POLR2C: variants seen among roughly 807,000 people sequenced by gnomAD.
POLR2C encodes the protein RNA polymerase II subunit C, also known as DNA-directed RNA polymerase II subunit RPB3.
In POLR2C, 36 loss-of-function variants were observed where a neutral mutation model predicts 41.7. The observed-to-expected ratio is 0.86, with a 90% confidence interval of 0.66 to 1.14. The LOEUF is 1.14. Ranked by LOEUF, POLR2C falls within the 50% of genes most tolerant of loss-of-function variation. The pLI is 0.00. For synonymous variants in POLR2C, 133 were observed against 137.8 expected, an observed-to-expected ratio of 0.96 and a Z score of 0.25; for missense variants, 260 against 350.4, an observed-to-expected ratio of 0.74 and a Z score of 2.06.
Position 57,463,441 on chromosome 16 carries a change from T to C in POLR2C, c.136+363T>C, listed in dbSNP as rs113857623. On this transcript the variant is annotated intron_variant, in intron 2 of 8. Coordinates refer to ENST00000219252, the MANE Select transcript of POLR2C (RefSeq NM_032940.3). ...CATTGGTGCAGGTTTGTTGCCTGGG[T>C]ATAGTGCGTGATGCTGAGATTTGGG... The C allele has an allele frequency of 3.0e-3, 1,215 of 401,434 alleles. 13 individuals carry two copies. The highest frequency in any genetic ancestry group is 0.023 in the African/African-American group (1,134 of 48,912). The allele number at this position is 401,434 out of a possible 1,614,324, so 24.9% of individuals were successfully genotyped here.
intron 2 of POLR2C, 192 bp downstream of exon 2, chr16:57,463,270 A>G (rs1202792421): frequency 1.6e-6 from 1 of 637,720 alleles, no homozygotes; most frequent in Admixed American, 2.4e-5. Flanking sequence ...CCCACGGGCC[A>G]CTTAGGTCCA....
At chr16:57,470,694 C>G (rs575003053) in intron 8 of POLR2C, among the ~76,000 whole-genome samples, 1 of 152,356 alleles carries the variant, frequency 6.6e-6, no homozygotes, top group South Asian at 2.1e-4. Context: ...TCACTGCTCA[C>G]TTGGTTTTCC....
Position 57,469,974 on chromosome 16 carries a change from C to G in POLR2C, c.453C>G (p.Val151=). 6.2e-7 allele frequency: 1 copy of G among 1,613,686 alleles called. No homozygotes were observed. The highest frequency in any genetic ancestry group is 8.5e-7 in the Non-Finnish European group (1 of 1,179,904). Residue 151 remains valine (V), a synonymous_variant, in exon 7 of 9, where the codon GTC becomes GTG. Transcript: ENST00000219252. This position sits in a 1 kb window ranked among gnomAD's most constrained non-coding sequence, Gnocchi z 5.8. ...DYVEQDDILI[V]KLRKGQELRL... ...CTCTCCCTGCAGACATCCTCATCGT[C>G]AAGTTGAGAAAGGGCCAGGAGCTGA...
intron 4 of POLR2C, among the ~76,000 whole-genome samples, chr16:57,467,036 A>G (rs968296948): frequency 2.0e-5 from 3 of 152,170 alleles, no homozygotes; most frequent in Non-Finnish European, 4.4e-5. Flanking sequence ...GATCGAGACC[A>G]TCCTGGCTGA....
At chr16:57,463,220 C>CAT (rs1386551177) in intron 2 of POLR2C, 142 bp downstream of exon 2, 12 of 754,906 alleles carry the variant, frequency 1.6e-5, no homozygotes, top group Non-Finnish European at 2.6e-5. Flanking sequence ...GAGACTTGAC[C>CAT]ATACCCTGTG....
At position 57,469,672 on chromosome 16, in the gene POLR2C, G is replaced by A. The variant is rs1299658933; in HGVS notation, c.388-38G>A. 2 of 1,561,234 alleles carry A rather than the reference G, an allele frequency of 1.3e-6. No individual in the cohort carries two copies. Among genetic ancestry groups the A allele is most frequent in the Admixed American group, 1.7e-5 (1 of 59,756 alleles). ...GGATGCCAGAGGAGGTGACTGGGGA[G>A]GTGAGCAGCTAATGAATGCCTGGTG... On this transcript the variant is annotated intron_variant, in intron 5 of 8. Coordinates refer to ENST00000219252, the MANE Select transcript of POLR2C (RefSeq NM_032940.3). This position sits in a 1 kb window ranked among gnomAD's most constrained non-coding sequence, Gnocchi z 5.8.
intron 2 of POLR2C, among the ~76,000 whole-genome samples, chr16:57,464,434 G>A (rs1182851909): frequency 6.6e-6 from 1 of 152,198 alleles, no homozygotes; most frequent in Non-Finnish European, 1.5e-5. Context: ...GAGGAGGGAA[G>A]ATCAATTTCT....
chr16:57,468,989 A>G (rs574694408), intron 4 of POLR2C, among the ~76,000 whole-genome samples, 176 bp from the exon 5 acceptor site: 2 of 152,350 alleles, frequency 1.3e-5, no homozygotes, highest in South Asian at 2.1e-4. Flanking sequence ...TGGGCAGTCC[A>G]TGAGAATGGT....
chr16:57,463,266 G>A (rs1033111820), intron 2 of POLR2C, 188 bp downstream of exon 2: 28 of 640,714 alleles, frequency 4.4e-5, no homozygotes, highest in Non-Finnish European at 6.2e-5. Context: ...GGCGCCCACG[G>A]GCCACTTAGG....
chr16:57,462,791 A>T lies in POLR2C; in HGVS notation c.67A>T (p.Ile23Phe). The change falls in exon 1 of 9, where the codon ATC becomes TTC. Residue 23 changes from isoleucine (I) to phenylalanine (F), a missense_variant. Physicochemically the swap from Ile to Phe is conservative, Grantham distance 21. Coordinates refer to ENST00000219252, the MANE Select transcript of POLR2C (RefSeq NM_032940.3). ...CACTGACGAGAATGTCAAGTTCATC[A>T]TCGAGAACACCGACCTGGCGTAAGG... The part of the protein sequence containing the change: ...ELTDENVKFI[I>F]ENTDLAVANS... 1 of 1,608,456 alleles carries T rather than the reference A, an allele frequency of 6.2e-7. No individual in the cohort carries two copies. The highest frequency in any genetic ancestry group is 1.3e-5 in the African/African-American group (1 of 74,846).
intron 8 of POLR2C, 102 bp downstream of exon 8, chr16:57,470,456 C>T: frequency 3.6e-6 from 3 of 840,862 alleles, no homozygotes; most frequent in Admixed American, 4.7e-5. Context: ...TCGCAGTTCT[C>T]ATAAGCTGAG....
At position 57,471,330 on chromosome 16, in the gene POLR2C, G is replaced by A. The variant is rs1598045733; in HGVS notation, c.*211G>A. 7.3e-6 allele frequency: 4 copies of A among 544,610 alleles called. No homozygotes were observed. The East Asian group carries it at 1.2e-4, about 16-fold the overall frequency. 33.7% of individuals were successfully genotyped at this position (544,610 alleles called of 1,614,324 possible). On this transcript the variant is annotated 3_prime_UTR_variant, in exon 9 of 9. Coordinates refer to ENST00000219252, the MANE Select transcript of POLR2C (RefSeq NM_032940.3). Reference sequence around the variant, plus strand: ...GGATAGGTCTTTACTGGCCCTGACTGCTGTTAATAATTGGCAGCAGTGCTC... The same window carrying A: ...GGATAGGTCTTTACTGGCCCTGACTACTGTTAATAATTGGCAGCAGTGCTC...
At position 57,469,196 on chromosome 16, in the gene POLR2C, G is replaced by A; in HGVS notation, c.290G>A (p.Cys97Tyr). Residue 97 changes from cysteine (C) to tyrosine (Y), a missense_variant, in exon 5 of 9, where the codon TGC becomes TAC. By Grantham distance (194) the Cys-to-Tyr change is radical. Transcript: ENST00000219252. The surrounding 1 kb of genome is among the most constrained non-coding windows in gnomAD (Gnocchi z 5.8). Reference protein sequence around the residue: ...DCTCEEFCPECSVEFTLDVRC... With the variant: ...DCTCEEFCPEYSVEFTLDVRC... ...ACATGTGAGGAGTTCTGCCCCGAGT[G>A]CTCGGTGGAGTTCACCCTCGATGTG... 1 of 1,614,130 alleles carries A rather than the reference G, an allele frequency of 6.2e-7. No homozygotes were observed. Among genetic ancestry groups the A allele is most frequent in the South Asian group, 1.1e-5 (1 of 91,074 alleles).
chr16:57,463,378 TA>T (rs1283730535), intron 2 of POLR2C: 2 of 538,016 alleles, frequency 3.7e-6, no homozygotes, highest in East Asian at 6.5e-5. Context: ...CAAAAGTTTT[TA>T]AAATGTTTTC....
intron 2 of POLR2C, 80 bp downstream of exon 2, chr16:57,463,158 C>T: frequency 1.8e-6 from 2 of 1,139,440 alleles, no homozygotes; most frequent in Non-Finnish European, 1.3e-6. Flanking sequence ...GGGGCTCCTT[C>T]CAGTCCTTGG....
In POLR2C at chr16:57,466,205, T is replaced by C. The variant is rs754613287; in HGVS notation, c.236T>C (p.Val79Ala). The change falls in exon 4 of 9, where the codon GTG (valine) becomes GCG (alanine). Residue 79 changes from valine to alanine, a missense_variant. Val to Ala is a moderately conservative substitution (Grantham distance 64). Coordinates refer to ENST00000219252, the MANE Select transcript of POLR2C (RefSeq NM_032940.3). ...ATTCCCCTCATTAGTGATGACATTGTGGACAAGCTGCAGTACTCTCGGGTA... is the reference window on the plus strand; with the variant it reads ...ATTCCCCTCATTAGTGATGACATTGCGGACAAGCTGCAGTACTCTCGGGTA... ...GLIPLISDDI[V>A]DKLQYSRDCT... 2 of 1,600,222 alleles carry C rather than the reference T, an allele frequency of 1.2e-6. No individual in the cohort carries two copies. Among genetic ancestry groups the C allele is most frequent in the South Asian group, 1.1e-5 (1 of 88,842 alleles).
In POLR2C at chr16:57,462,811, G is replaced by A; in HGVS notation, c.86+1G>A. 6.4e-7 allele frequency: 1 copy of A among 1,560,240 alleles called. No individual in the cohort carries two copies. The highest frequency in any genetic ancestry group is 1.1e-5 in the South Asian group (1 of 89,196). Reference sequence around the variant, plus strand: ...TCATCATCGAGAACACCGACCTGGCGTAAGGCTACCGAGGGAAGAGGCTGG... The same window carrying A: ...TCATCATCGAGAACACCGACCTGGCATAAGGCTACCGAGGGAAGAGGCTGG... On this transcript the variant is annotated splice_donor_variant, in intron 1 of 8. Coordinates refer to ENST00000219252, the MANE Select transcript of POLR2C (RefSeq NM_032940.3). LOFTEE classifies it high-confidence loss of function.
chr16:57,469,018 C>T lies in POLR2C; in HGVS notation c.259-147C>T. On this transcript the variant is annotated intron_variant, in intron 4 of 8. Coordinates refer to ENST00000219252, the MANE Select transcript of POLR2C (RefSeq NM_032940.3). This position sits in a 1 kb window ranked among gnomAD's most constrained non-coding sequence, Gnocchi z 5.8. ...GAATGGTATACCAGATTGTCACAGC[C>T]CACAAGAACCTGGATACTGATGAAC... is the stretch of plus-strand genomic sequence containing the variant. 1.4e-6 allele frequency: 1 copy of T among 719,324 alleles called. No individual in the cohort carries two copies. The highest frequency in any genetic ancestry group is 2.7e-5 in the East Asian group (1 of 36,528). The allele number at this position is 719,324 out of a possible 1,614,324, so 44.6% of individuals were successfully genotyped here. A position where few individuals can be genotyped will look rare whatever the true frequency, so the allele number is the denominator to read the frequency against.
intron 4 of POLR2C, among the ~76,000 whole-genome samples, chr16:57,468,761 GATGGTTAC>G (rs1409812940): frequency 1.3e-5 from 2 of 152,132 alleles, no homozygotes; most frequent in African/African-American, 4.8e-5. Flanking sequence ...TATTTTAAAT[GATGGTTAC>G]ATTCCCAAGC....
Sources: gnomAD v4.1 joint callset for allele counts (sites outside exome capture counted in the v4.1 genomes callset) on GRCh38, gnomAD v4.1.1 for gene constraint, Gnocchi (gnomAD v3.1) non-coding constraint, MANE v1.5 for transcripts, NCBI Gene and HGNC (gene_info 2026-07-23, HGNC 2026-07-21) for gene names.